DLEC1: variants seen among roughly 807,000 people sequenced by gnomAD.
DLEC1 encodes DLEC1 cilia and flagella associated protein.
DLEC1 carries 146 observed loss-of-function variants against 198.1 expected under a neutral mutation model. That is an observed-to-expected ratio of 0.74 (90% CI 0.64 to 0.85). The LOEUF (loss-of-function observed/expected upper bound fraction) is 0.85. Ranked by LOEUF, DLEC1 falls within the 40% of genes least tolerant of loss-of-function variation. The probability of loss-of-function intolerance (pLI) is 0.00; values close to 1 mark genes in which losing one functional copy is unlikely to be tolerated. For synonymous variants in DLEC1, 897 were observed against 866.8 expected (o/e 1.03, Z -0.61); for missense variants, 2,233 against 2,220.0 (o/e 1.01, Z -0.12).
chr3:38,062,049 A>G (rs2125612189), intron 3 of DLEC1, 120 bp from the exon 4 acceptor site: 1 of 950,218 alleles, frequency 1.1e-6, no homozygotes. Flanking sequence ...TGTGGTAAAT[A>G]TGAAAGTTTA....
At chr3:38,077,633 T>G (rs2125648361) in intron 6 of DLEC1, among the ~76,000 whole-genome samples, 1 of 152,296 alleles carries the variant, frequency 6.6e-6, no homozygotes, top group Non-Finnish European at 1.5e-5. Context: ...GTGGGAAGGC[T>G]AAACTGAGGA....
At chr3:38,056,374 A>G (rs557965847) in intron 2 of DLEC1, among the ~76,000 whole-genome samples, 8 of 152,166 alleles carry the variant, frequency 5.3e-5, no homozygotes, top group Non-Finnish European at 1.0e-4. Context: ...TAGTGGCTCA[A>G]TCTAGATCCA....
rs541790114 is a variant in DLEC1 at position 38,097,737 on chromosome 3, G to A, written c.2566-7G>A. ...TGGCCCAGTGACAGGCCCTCTGGGT[G>A]TCTCAGGGGCCTGCCCTCATCATCA... is the stretch of plus-strand genomic sequence containing the variant. On this transcript the variant is annotated splice_polypyrimidine_tract_variant and splice_region_variant and intron_variant, in intron 17 of 36. Transcript: ENST00000308059. 2 of 1,613,976 alleles carry A rather than the reference G, an allele frequency of 1.2e-6. No individual in the cohort carries two copies. Among genetic ancestry groups the A allele is most frequent in the South Asian group, 2.2e-5 (2 of 91,084 alleles).
intron 24 of DLEC1, among the ~76,000 whole-genome samples, chr3:38,111,981 G>A (rs1317313306): frequency 6.6e-6 from 1 of 152,190 alleles, no homozygotes; most frequent in South Asian, 2.1e-4. Context: ...TCATGAGGGA[G>A]GGCTCCCATG....
At chr3:38,100,977 C>A (rs369365224) in intron 19 of DLEC1, among the ~76,000 whole-genome samples, 8 of 152,198 alleles carry the variant, frequency 5.3e-5, no homozygotes, top group South Asian at 2.1e-4. Context: ...TCCGCTCCCC[C>A]ACTTCCCTCC....
chr3:38,052,344 C>G (rs142492461), intron 2 of DLEC1: 171 of 349,558 alleles, frequency 4.9e-4, no homozygotes, highest in African/African-American at 3.3e-3. Context: ...TCTGCTTTCT[C>G]TATGAGAATG....
intron 9 of DLEC1, among the ~76,000 whole-genome samples, chr3:38,087,601 C>T (rs909140465): frequency 1.3e-5 from 2 of 151,904 alleles, no homozygotes; most frequent in African/African-American, 4.8e-5. Flanking sequence ...CTCACACCAT[C>T]CATCAGCACT....
intron 6 of DLEC1, among the ~76,000 whole-genome samples, chr3:38,069,660 T>A (rs564532888): frequency 2.0e-5 from 3 of 152,280 alleles, no homozygotes; most frequent in Admixed American, 2.0e-4. Context: ...CTTATAATGA[T>A]CACTATCCCA....
At chr3:38,117,664 C>A in intron 32 of DLEC1, 53 bp downstream of exon 32, 1 of 1,612,018 alleles carries the variant, frequency 6.2e-7, no homozygotes, top group South Asian at 1.1e-5. Context: ...CCTCAGATGT[C>A]TCTGTGTGCC....
intron 26 of DLEC1, 43 bp from the exon 27 acceptor site, chr3:38,114,940 A>G (rs1258061930): frequency 1.9e-6 from 3 of 1,585,586 alleles, no homozygotes; most frequent in Admixed American, 3.4e-5. Flanking sequence ...TGCAAGGTGT[A>G]CGCTGGCTGT....
At chr3:38,096,048 T>A (rs1699000235) in intron 14 of DLEC1, 102 bp downstream of exon 14, 1 of 1,406,974 alleles carries the variant, frequency 7.1e-7, no homozygotes, top group Non-Finnish European at 1.0e-6. Context: ...GTGGGCAGCC[T>A]GGTCCCCGCA....
intron 2 of DLEC1, among the ~76,000 whole-genome samples, chr3:38,058,586 T>C (rs1696507319): frequency 1.3e-5 from 2 of 152,348 alleles, no homozygotes; most frequent in East Asian, 3.8e-4. Context: ...AAGTAATAAA[T>C]ATATATGGTT....
chr3:38,098,478 A>G (rs1699146815), intron 18 of DLEC1, among the ~76,000 whole-genome samples: 3 of 152,246 alleles, frequency 2.0e-5, no homozygotes, highest in Admixed American at 2.0e-4. Context: ...ACAAAGTCAC[A>G]CAAATCACCA....
At chr3:38,109,281 G>A (rs998260864) in intron 21 of DLEC1, 151 bp from the exon 22 acceptor site, 28 of 1,102,748 alleles carry the variant, frequency 2.5e-5, no homozygotes, top group Non-Finnish European at 3.2e-5. Context: ...GGCTGAGGGC[G>A]GGTCGACTGG....
intron 7 of DLEC1, among the ~76,000 whole-genome samples, chr3:38,084,579 G>T (rs1698324838): frequency 9.2e-4 from 1 of 1,084 alleles, no homozygotes; most frequent in Non-Finnish European, 2.2e-3. Flanking sequence ...AGTAGTAGTG[G>T]GGGGGTGGTA....
chr3:38,091,355 C>T (rs1375966527), intron 10 of DLEC1, among the ~76,000 whole-genome samples: 2 of 152,104 alleles, frequency 1.3e-5, no homozygotes. Context: ...GTCTCAGCTA[C>T]TTGGGAGCTG....
At chr3:38,079,577 C>T (rs1342096056) in intron 6 of DLEC1, among the ~76,000 whole-genome samples, 1 of 152,224 alleles carries the variant, frequency 6.6e-6, no homozygotes, top group Non-Finnish European at 1.5e-5. Context: ...AGGAGTCAGT[C>T]AGAGAGCCTT....
chr3:38,094,787 G>T, intron 12 of DLEC1, 92 bp from the exon 13 acceptor site: 1 of 1,453,632 alleles, frequency 6.9e-7, no homozygotes, highest in Non-Finnish European at 9.3e-7. Context: ...GTCCTTTCCT[G>T]CTCCCTCTTG....
Position 38,108,461 on chromosome 3 carries a change from G to A in DLEC1, c.3075G>A (p.Leu1025=). The A allele has an allele frequency of 6.2e-7, 1 of 1,614,184 alleles. No homozygotes were observed. Among genetic ancestry groups the A allele is most frequent in the Non-Finnish European group, 8.5e-7 (1 of 1,180,026 alleles). Residue 1025 remains leucine, a synonymous_variant, in exon 21 of 37, where the codon CTG becomes CTA. Transcript: ENST00000308059. ...CMVTVSPKHG[L]LGPSEECQLK... is the part of the protein sequence containing the mutation. ...TGACAGTCTCCCCCAAACATGGCCTGCTGGGCCCAAGTGAGGAGTGCCAGC... is the reference window on the plus strand; with the variant it reads ...TGACAGTCTCCCCCAAACATGGCCTACTGGGCCCAAGTGAGGAGTGCCAGC...
Sources: gnomAD v4.1 joint callset for allele counts (sites outside exome capture counted in the v4.1 genomes callset) on GRCh38, gnomAD v4.1.1 for gene constraint, MANE v1.5 for transcripts, NCBI Gene and HGNC (gene_info 2026-07-23, HGNC 2026-07-21) for gene names.